Variants in STAT3 observed in about 807,000 individuals in gnomAD.
The protein encoded by STAT3 is signal transducer and activator of transcription 3, also known as DNA-binding protein APRF.
A neutral mutation model predicts 114.3 loss-of-function variants in STAT3; 7 were observed. The observed-to-expected ratio is 0.06, with a 90% CI of 0.03 to 0.11. The LOEUF (loss-of-function observed/expected upper bound fraction) is 0.11, where lower values mean the gene tolerates loss of function less well. Among genes scored for constraint, STAT3 ranks in the 10% least tolerant of loss-of-function variants. The pLI is 1.00. For missense variants in STAT3, 364 were observed against 960.9 expected (o/e 0.38, Z 8.21); for synonymous variants, 331 against 354.5 (o/e 0.93, Z 0.74).
At chr17:42,380,457 TCA>T (rs1242039838) in intron 1 of STAT3, among the ~76,000 whole-genome samples, 1 of 151,556 alleles carries the variant, frequency 6.6e-6, no homozygotes, top group East Asian at 1.9e-4. Flanking sequence ...CGATCTCGGT[TCA>T]CCGCAACCTC....
chr17:42,380,678 C>A (rs11867382), intron 1 of STAT3, among the ~76,000 whole-genome samples: 3 of 152,116 alleles, frequency 2.0e-5, no homozygotes, highest in Admixed American at 2.0e-4. Context: ...CGTGAGCCAC[C>A]GCACTCGGCC....
intron 23 of STAT3, chr17:42,316,003 C>G: frequency 6.9e-7 from 1 of 1,442,702 alleles, no homozygotes; most frequent in Non-Finnish European, 9.1e-7. Flanking sequence ...TTCTCATTCC[C>G]ACCTTAACTG....
intron 1 of STAT3, among the ~76,000 whole-genome samples, chr17:42,355,380 T>C (rs1237877440): frequency 6.6e-6 from 1 of 152,184 alleles, no homozygotes; most frequent in African/African-American, 2.4e-5. Context: ...GAGGAACAAC[T>C]TGAGTGCCAA....
intron 2 of STAT3, among the ~76,000 whole-genome samples, chr17:42,348,172 G>A (rs1414923545): frequency 6.6e-6 from 1 of 152,138 alleles, no homozygotes; most frequent in Non-Finnish European, 1.5e-5. Context: ...CCATACAGGC[G>A]GTTTCAATGT....
intron 23 of STAT3, 183 bp from the exon 24 acceptor site, chr17:42,315,983 G>T: frequency 6.8e-7 from 1 of 1,472,824 alleles, no homozygotes; most frequent in Non-Finnish European, 8.9e-7. Context: ...CCTGCCTCGG[G>T]AAGGGTCCTT....
At chr17:42,384,099 G>A (rs1284501804) in intron 1 of STAT3, among the ~76,000 whole-genome samples, 4 of 151,582 alleles carry the variant, frequency 2.6e-5, no homozygotes, top group African/African-American at 9.7e-5. Flanking sequence ...CAGTGCTTCG[G>A]CTCCAAAGTT....
intron 1 of STAT3, among the ~76,000 whole-genome samples, chr17:42,367,402 AATC>A (rs2083864221): frequency 6.6e-6 from 1 of 150,672 alleles, no homozygotes; most frequent in Non-Finnish European, 1.5e-5. Context: ...CTCAGGAAAA[AATC>A]CAAAGTCCTA....
chr17:42,322,868 G>A (rs2081537823), intron 20 of STAT3, 136 bp downstream of exon 20: 7 of 1,237,936 alleles, frequency 5.7e-6, no homozygotes, highest in Admixed American at 3.7e-5. Flanking sequence ...TCACGCAAAT[G>A]TGTTTTGCGA....
chr17:42,338,880 G>C, intron 5 of STAT3, 68 bp from the exon 6 acceptor site: 3 of 1,403,754 alleles, frequency 2.1e-6, no homozygotes, highest in African/African-American at 1.4e-5. Context: ...AAAATATAAA[G>C]TTTCTGAGGA....
At chr17:42,334,107 G>A in intron 8 of STAT3, 58 bp from the exon 9 acceptor site, 1 of 1,602,152 alleles carries the variant, frequency 6.2e-7, no homozygotes, top group Non-Finnish European at 8.5e-7. Flanking sequence ...AGGTGAGATG[G>A]AGAAGGGGAA....
chr17:42,326,283 G>C, intron 14 of STAT3, 84 bp from the exon 15 acceptor site: 1 of 1,270,456 alleles, frequency 7.9e-7, no homozygotes, highest in Non-Finnish European at 1.1e-6. Context: ...CAAGGCAGGA[G>C]GATTGCCTGA....
chr17:42,316,968 AAG>A (rs2081278563), intron 22 of STAT3, 67 bp from the exon 23 acceptor site: 1 of 1,573,682 alleles, frequency 6.4e-7, no homozygotes, highest in East Asian at 2.2e-5. Flanking sequence ...AAAAAAAAAA[AAG>A]AACAAAACAC....
chr17:42,368,185 TA>T (rs1212873762), intron 1 of STAT3, among the ~76,000 whole-genome samples: 1 of 151,794 alleles, frequency 6.6e-6, no homozygotes, highest in African/African-American at 2.4e-5. Flanking sequence ...AACATAAAAA[TA>T]AAAATCTAAG....
chr17:42,343,028 T>C (rs1343449750), intron 4 of STAT3, among the ~76,000 whole-genome samples: 1 of 148,006 alleles, frequency 6.8e-6, no homozygotes, highest in African/African-American at 2.5e-5. Context: ...AAAAATTAGC[T>C]GGGCATGGTG....
chr17:42,367,136 C>A (rs187199203), intron 1 of STAT3, among the ~76,000 whole-genome samples: 3 of 151,248 alleles, frequency 2.0e-5, no homozygotes, highest in African/African-American at 7.3e-5. Flanking sequence ...AGCGAGACTC[C>A]GTCTCAAAAA....
intron 1 of STAT3, among the ~76,000 whole-genome samples, chr17:42,375,812 A>G (rs1348916280): frequency 7.3e-6 from 1 of 136,832 alleles, no homozygotes; most frequent in Non-Finnish European, 1.6e-5. Context: ...CTGGGCAACA[A>G]GAGCGAAACT....
At chr17:42,330,129 T>C (rs2081936494) in intron 11 of STAT3, among the ~76,000 whole-genome samples, 1 of 152,018 alleles carries the variant, frequency 6.6e-6, no homozygotes, top group Non-Finnish European at 1.5e-5. Flanking sequence ...TTTCTTTTTT[T>C]TTTTTTGAGA....
At position 42,329,543 on chromosome 17, in the gene STAT3, C is replaced by T. The variant is rs1274411079; in HGVS notation, c.1233+11G>A. The T allele has an allele frequency of 1.9e-6, 3 of 1,614,054 alleles. No homozygotes were observed. The highest frequency in any genetic ancestry group is 2.5e-6 in the Non-Finnish European group (3 of 1,180,016). On this transcript the variant is annotated intron_variant, in intron 13 of 23. Transcript: ENST00000264657. ...AGAGGCCCTTTGTGAAGGGGAGCTC[C>T]TCCCACATACCAAGTGTTTGAATTC... is the stretch of plus-strand genomic sequence containing the variant.
At chr17:42,369,953 A>C (rs1353310006) in intron 1 of STAT3, among the ~76,000 whole-genome samples, 1 of 151,800 alleles carries the variant, frequency 6.6e-6, no homozygotes, top group Non-Finnish European at 1.5e-5. Flanking sequence ...AAGTCACTGC[A>C]CTTTGGCCAT....
Sources: gnomAD v4.1 joint callset for allele counts (sites outside exome capture counted in the v4.1 genomes callset) on GRCh38, gnomAD v4.1.1 for gene constraint, MANE v1.5 for transcripts, NCBI Gene and HGNC (gene_info 2026-07-23, HGNC 2026-07-21) for gene names.